SETBP1: variants seen among roughly 807,000 people sequenced by gnomAD.
SETBP1 encodes SET-binding protein.
In SETBP1, 9 loss-of-function variants were observed where a neutral mutation model predicts 101.0. The observed-to-expected ratio is 0.09, with a 90% confidence interval of 0.05 to 0.16. SETBP1 has a LOEUF of 0.16. Ranked by LOEUF, SETBP1 falls within the 10% of genes least tolerant of loss-of-function variation. The pLI, the probability that SETBP1 is intolerant of heterozygous loss-of-function variation, is 1.00. For synonymous variants in SETBP1, 818 were observed against 788.5 expected (o/e 1.04, Z -0.63); for missense variants, 1,858 against 2,033.8 (o/e 0.91, Z 1.66).
intron 2 of SETBP1, among the ~76,000 whole-genome samples, chr18:44,791,212 G>C (rs925289917): frequency 6.6e-6 from 1 of 152,138 alleles, no homozygotes; most frequent in African/African-American, 2.4e-5. Context: ...AGGCGCTCTT[G>C]TATCTAGTGG....
chr18:44,944,687 C>G lies in SETBP1; in HGVS notation c.541-5194C>G, dbSNP rs193072612. ...CATGTAATCCCAAATATCTTACAAA[C>G]AGTAAATTTAAATTATTGATGTCAG... is the stretch of plus-strand genomic sequence containing the variant. On this transcript the variant is annotated intron_variant, in intron 3 of 5. Coordinates refer to ENST00000649279, the MANE Select transcript of SETBP1 (RefSeq NM_015559.3). Among the ~76,000 whole-genome samples the G allele has an allele frequency of 1.4e-4, 22 of 152,288 alleles. No homozygotes were observed. The East Asian group carries it at 4.1e-3, about 28-fold the overall frequency.
At chr18:44,984,099 G>T (rs1004556078) in intron 4 of SETBP1, among the ~76,000 whole-genome samples, 4 of 152,124 alleles carry the variant, frequency 2.6e-5, no homozygotes, top group Non-Finnish European at 5.9e-5. Context: ...TAGTCAGGAG[G>T]CTGAGGCAGG....
intron 2 of SETBP1, among the ~76,000 whole-genome samples, chr18:44,768,631 C>T (rs1347339711): frequency 6.6e-6 from 1 of 152,088 alleles, no homozygotes; most frequent in African/African-American, 2.4e-5. Flanking sequence ...TCTTTTCCTT[C>T]TAAAAGGATT....
intron 2 of SETBP1, among the ~76,000 whole-genome samples, chr18:44,737,885 C>T (rs1486901778): frequency 2.6e-5 from 4 of 152,212 alleles, no homozygotes; most frequent in South Asian, 2.1e-4. Context: ...GAGACAGACA[C>T]AGCATTACGT....
intron 2 of SETBP1, among the ~76,000 whole-genome samples, chr18:44,761,721 T>G (rs961921568): frequency 6.6e-6 from 1 of 152,258 alleles, no homozygotes; most frequent in Non-Finnish European, 1.5e-5. Flanking sequence ...ATTTATGCCA[T>G]ACACATATTG....
intron 5 of SETBP1, among the ~76,000 whole-genome samples, chr18:45,056,454 G>A (rs1341779316): frequency 3.3e-5 from 5 of 152,152 alleles, no homozygotes; most frequent in Admixed American, 2.6e-4. Context: ...GTAAGGGCAT[G>A]GCTGGAGTTC....
intron 4 of SETBP1, among the ~76,000 whole-genome samples, chr18:44,976,166 G>A (rs1241017337): frequency 2.0e-5 from 3 of 150,932 alleles, no homozygotes; most frequent in African/African-American, 7.3e-5. Flanking sequence ...ACAGTATTAA[G>A]TCCCCTTTTG....
chr18:44,957,103 G>C (rs1284129610), intron 4 of SETBP1, among the ~76,000 whole-genome samples: 1 of 152,100 alleles, frequency 6.6e-6, no homozygotes, highest in African/African-American at 2.4e-5. Context: ...AGCCTTATCA[G>C]CTCCTATTTG....
intron 3 of SETBP1, among the ~76,000 whole-genome samples, chr18:44,909,591 G>C (rs1317547665): frequency 1.7e-4 from 26 of 152,130 alleles, no homozygotes; most frequent in Admixed American, 1.7e-3. Flanking sequence ...CTCTTCTCCT[G>C]TCCCAACTAT....
intron 2 of SETBP1, among the ~76,000 whole-genome samples, chr18:44,768,681 A>G (rs186781931): frequency 6.6e-6 from 1 of 152,294 alleles, no homozygotes; most frequent in East Asian, 1.9e-4. Flanking sequence ...TCATTGCTTA[A>G]CCATATCAGA....
intron 2 of SETBP1, among the ~76,000 whole-genome samples, chr18:44,721,451 T>C (rs2069593918): frequency 6.6e-6 from 1 of 152,216 alleles, no homozygotes; most frequent in Admixed American, 6.5e-5. Flanking sequence ...AAGGTTTGGA[T>C]TTCATCTGAT....
At chr18:44,947,542 A>G (rs1038055355) in intron 3 of SETBP1, among the ~76,000 whole-genome samples, 1 of 123,948 alleles carries the variant, frequency 8.1e-6, no homozygotes, top group Non-Finnish European at 1.6e-5. Flanking sequence ...CTTATTGCCC[A>G]GGTGCCCAGG....
intron 2 of SETBP1, among the ~76,000 whole-genome samples, chr18:44,734,112 A>G (rs2069906972): frequency 6.6e-6 from 1 of 152,226 alleles, no homozygotes; most frequent in African/African-American, 2.4e-5. Flanking sequence ...GGGGCTTTCT[A>G]GTACACTAGT....
At chr18:44,697,422 G>A (rs894657682) in intron 1 of SETBP1, 3 of 152,232 alleles carry the variant, frequency 2.0e-5, no homozygotes, top group Non-Finnish European at 2.9e-5. Flanking sequence ...GGACACCAGG[G>A]GCTGGATTAT....
At chr18:44,900,456 C>G (rs562097449) in intron 3 of SETBP1, among the ~76,000 whole-genome samples, 1 of 152,222 alleles carries the variant, frequency 6.6e-6, no homozygotes, top group Non-Finnish European at 1.5e-5. Context: ...TTCTGCTTTT[C>G]TCTCCATTAA....
intron 4 of SETBP1, among the ~76,000 whole-genome samples, chr18:44,954,124 C>G (rs2071429645): frequency 6.6e-6 from 1 of 152,074 alleles, no homozygotes; most frequent in African/African-American, 2.4e-5. Context: ...TAGAAGGATC[C>G]TATTCCTTGT....
chr18:44,928,328 A>G (rs2144973783), intron 3 of SETBP1, among the ~76,000 whole-genome samples: 1 of 152,318 alleles, frequency 6.6e-6, no homozygotes, highest in East Asian at 1.9e-4. Flanking sequence ...CCAGTCTATC[A>G]TTGATGGACA....
rs370732298 is a variant in SETBP1, at chr18:45,036,332, C to CA, written c.4001-2136dup. On this transcript the variant is annotated intron_variant, in intron 4 of 5. Transcript: ENST00000649279. Reference sequence around the variant, plus strand: ...TGGGTGACAGAGTGAGACTCTGTCTCAAAAAAAAAAAAAAAAAGGCTAAGA... The same window carrying CA: ...TGGGTGACAGAGTGAGACTCTGTCTCAAAAAAAAAAAAAAAAAAGGCTAAGA... Among the ~76,000 whole-genome samples the CA allele has an allele frequency of 5.4e-3, 524 of 97,224 alleles. 1 individual carries two copies. Among genetic ancestry groups the CA allele is most frequent in the Admixed American group, 0.012 (107 of 9,022 alleles). 63.8% of individuals were successfully genotyped at this position (97,224 alleles called of 152,430 possible). A position where few individuals can be genotyped will look rare whatever the true frequency, so the allele number is the denominator to read the frequency against.
At chr18:45,060,493 G>A (rs2073874193) in intron 5 of SETBP1, among the ~76,000 whole-genome samples, 1 of 151,934 alleles carries the variant, frequency 6.6e-6, no homozygotes, top group African/African-American at 2.4e-5. Flanking sequence ...GAAAGGAATG[G>A]AGAAGGGAGC....
Sources: allele counts gnomAD v4.1 joint callset (sites outside exome capture counted in the v4.1 genomes callset), GRCh38; gene constraint gnomAD v4.1.1; transcripts MANE v1.5; gene names NCBI Gene and HGNC (gene_info 2026-07-23, HGNC 2026-07-21).